The following FAM120C variants were observed in gnomAD, a reference collection of about 807,000 sequenced individuals.
The protein encoded by FAM120C is family with sequence similarity 120 member C, also known as constitutive coactivator of PPAR-gamma-like protein 2.
FAM120C carries 14 observed loss-of-function variants against 71.2 expected under a neutral mutation model. The ratio of observed to expected loss-of-function variants is 0.20; its 90% CI spans 0.13 to 0.31. FAM120C has a LOEUF of 0.31. FAM120C is among the 10% of genes least tolerant of loss of function. The pLI, the probability that FAM120C is intolerant of heterozygous loss-of-function variation, is 1.00. For synonymous variants in FAM120C, 354 were observed against 353.2 expected (o/e 1.00, Z -0.03); for missense variants, 500 against 879.0 (o/e 0.57, Z 5.45).
At position 54,068,789 on chromosome X, in the gene FAM120C, C is replaced by T. The variant is rs201443649; in HGVS notation, c.*4244G>A. 43 of 103,227 alleles carry T rather than the reference C, an allele frequency of 4.2e-4. No individual in the cohort carries two copies. The highest frequency in any genetic ancestry group is 1.7e-3 in the African/African-American group (42 of 25,140). The allele number at this position is 103,227 out of a possible 1,213,427, so 8.5% of individuals were successfully genotyped here. On this transcript the variant is annotated 3_prime_UTR_variant, in exon 16 of 16. Coordinates refer to ENST00000375180, the MANE Select transcript of FAM120C (RefSeq NM_017848.6). The stretch of plus-strand genomic sequence containing the variant: ...AAAAACAGAATAGAACAGAATAGAA[C>T]AGAATAGAATAGAATAGAATAGAAT...
intron 13 of FAM120C, 104 bp from the exon 14 acceptor site, chrX:54,081,564 G>A (rs2066765299): frequency 1.2e-6 from 1 of 866,675 alleles, no homozygotes; most frequent in Non-Finnish European, 1.6e-6. Flanking sequence ...TTGAAGTCAG[G>A]AGTTCCAGAG....
chrX:54,096,377 CT>C (rs2066851838), intron 10 of FAM120C, among the ~76,000 whole-genome samples: 1 of 111,312 alleles, frequency 9.0e-6, no homozygotes, highest in Admixed American at 9.6e-5. Context: ...TGCCACTGCA[CT>C]CCAGACTGGG....
At chrX:54,170,512 GAACA>G (rs2067282314) in intron 1 of FAM120C, among the ~76,000 whole-genome samples, 1 of 111,738 alleles carries the variant, frequency 8.9e-6, no homozygotes, top group African/African-American at 3.3e-5. Flanking sequence ...TCACATTTAA[GAACA>G]AAAGGGAAAA....
rs891812205 is a variant in FAM120C at position 54,114,554 on chromosome X, C to T, written c.2312+1991G>A. ...CCACCTCCGGGGTTCAAGTGATCCT[C>T]CCTCCTCCCAAGTAGCTGGGACCAC... On this transcript the variant is annotated intron_variant, in intron 10 of 15. Transcript: ENST00000375180. Among the ~76,000 whole-genome samples the T allele has an allele frequency of 1.3e-4, 14 of 110,494 alleles. No individual in the cohort carries two copies. The East Asian group carries it at 4.0e-3, about 31-fold the overall frequency.
chrX:54,101,179 G>A (rs1019245255), intron 10 of FAM120C, among the ~76,000 whole-genome samples: 1 of 111,553 alleles, frequency 9.0e-6, no homozygotes, highest in Non-Finnish European at 1.9e-5. Context: ...CAAGGTTTAC[G>A]ACTTGTACCT....
At chrX:54,112,359 G>A (rs983059206) in intron 10 of FAM120C, among the ~76,000 whole-genome samples, 10 of 110,721 alleles carry the variant, frequency 9.0e-5, no homozygotes, top group South Asian at 3.8e-4. Context: ...AGAGGTTGTC[G>A]TAAGCCGAGA....
intron 10 of FAM120C, among the ~76,000 whole-genome samples, chrX:54,092,534 T>A (rs1411010636): frequency 2.8e-5 from 3 of 106,455 alleles, no homozygotes; most frequent in Non-Finnish European, 3.9e-5. Context: ...GACAGAGTGG[T>A]GGGGGGAGGG....
chrX:54,142,853 G>A (rs1557131853), intron 4 of FAM120C, among the ~76,000 whole-genome samples: 2 of 111,742 alleles, frequency 1.8e-5, no homozygotes, highest in Non-Finnish European at 3.8e-5. Flanking sequence ...GGGGCCGACC[G>A]ACACCTCATA....
At chrX:54,156,084 AG>A (rs1446245868) in intron 3 of FAM120C, among the ~76,000 whole-genome samples, 2 of 110,561 alleles carry the variant, frequency 1.8e-5, no homozygotes, top group Non-Finnish European at 3.8e-5. Context: ...TGAGGTGAAG[AG>A]GGGGTAAGAA....
intron 15 of FAM120C, 144 bp from the exon 16 acceptor site, chrX:54,073,431 A>G (rs2066720388): frequency 3.7e-6 from 2 of 534,146 alleles, no homozygotes; most frequent in Non-Finnish European, 5.5e-6. Flanking sequence ...AACTAGTACA[A>G]TCTTTTTTTT....
Position 54,080,225 on chromosome X carries a change from T to A in FAM120C, c.3036+7A>T, listed in dbSNP as rs1383085839. 1.7e-6 allele frequency: 2 copies of A among 1,200,220 alleles called. No individual in the cohort carries two copies. Among genetic ancestry groups the A allele is most frequent in the Non-Finnish European group, 2.3e-6 (2 of 886,823 alleles). ...AGAAGCTAAATAATCTCAAAAAAAA[T>A]ACTTACTTGCTTATTTCCTTTTTTG... On this transcript the variant is annotated splice_region_variant and intron_variant, in intron 15 of 15. Transcript: ENST00000375180.
chrX:54,074,752 G>A (rs192292800), intron 15 of FAM120C, among the ~76,000 whole-genome samples: 1 of 112,703 alleles, frequency 8.9e-6, no homozygotes, highest in East Asian at 2.8e-4. Flanking sequence ...GTAAATCCCA[G>A]GAATATGGTA....
chrX:54,165,331 C>T (rs782499392), intron 1 of FAM120C, among the ~76,000 whole-genome samples: 1 of 111,563 alleles, frequency 9.0e-6, no homozygotes, highest in South Asian at 3.7e-4. Context: ...GTTCCCCTTC[C>T]CTTTATTTAT....
chrX:54,173,281 T>C (rs2067298340), intron 1 of FAM120C, among the ~76,000 whole-genome samples: 1 of 112,423 alleles, frequency 8.9e-6, no homozygotes, highest in African/African-American at 3.2e-5. Flanking sequence ...GGAGTTTCGC[T>C]CTTATTGCCC....
intron 7 of FAM120C, among the ~76,000 whole-genome samples, chrX:54,134,513 T>G (rs1557130055): frequency 9.0e-6 from 1 of 111,535 alleles, no homozygotes; most frequent in Non-Finnish European, 1.9e-5. Flanking sequence ...ATGCTTTTCT[T>G]TTTTTGACAT....
At chrX:54,142,848 C>T (rs1220448921) in intron 4 of FAM120C, among the ~76,000 whole-genome samples, 3 of 111,675 alleles carry the variant, frequency 2.7e-5, no homozygotes, top group Non-Finnish European at 3.8e-5. Flanking sequence ...CAGTAGGGGC[C>T]GACCGACACC....
intron 10 of FAM120C, among the ~76,000 whole-genome samples, chrX:54,115,052 C>T (rs781945927): frequency 1.8e-5 from 2 of 111,934 alleles, no homozygotes; most frequent in Non-Finnish European, 1.9e-5. Context: ...AGCCACCACG[C>T]CCAGCCAAGT....
chrX:54,092,680 G>T (rs192282589), intron 10 of FAM120C, among the ~76,000 whole-genome samples: 28 of 111,586 alleles, frequency 2.5e-4, no homozygotes, highest in Non-Finnish European at 1.7e-4. Context: ...GAAATTGTAG[G>T]AAGACACTGC....
At chrX:54,129,581 G>C (rs1191411497) in intron 9 of FAM120C, among the ~76,000 whole-genome samples, 14 of 110,245 alleles carry the variant, frequency 1.3e-4, no homozygotes, top group African/African-American at 4.6e-4. Flanking sequence ...GACGATGGGC[G>C]GCCAGGCAGA....
Sources: gnomAD v4.1 joint callset for allele counts (sites outside exome capture counted in the v4.1 genomes callset) on GRCh38, gnomAD v4.1.1 for gene constraint, MANE v1.5 for transcripts, NCBI Gene and HGNC (gene_info 2026-07-23, HGNC 2026-07-21) for gene names.